The following TRPC7 variants were observed in gnomAD, a reference collection of about 807,000 sequenced individuals.
TRPC7 encodes the protein transient receptor potential cation channel subfamily C member 7, also known as short transient receptor potential channel 7.
Under a neutral mutation model 90.1 loss-of-function variants are expected in TRPC7, and 42 were observed. The ratio of observed to expected loss-of-function variants is 0.47; its 90% CI spans 0.36 to 0.60. The LOEUF (loss-of-function observed/expected upper bound fraction) is 0.60. TRPC7 is among the 20% of genes least tolerant of loss of function. TRPC7 has a pLI of 0.00. For missense variants in TRPC7, 955 were observed against 1,112.3 expected (o/e 0.86, Z 2.01); for synonymous variants, 451 against 436.3 (o/e 1.03, Z -0.42).
rs1051230966 is a variant in TRPC7, at chr5:136,346,489, G to GCA, written c.780+10117_780+10118dup. On this transcript the variant is annotated intron_variant, in intron 2 of 11. Transcript: ENST00000513104. Reference sequence around the variant, plus strand: ...CTGCTTTTCCCAACACCATGAGTGCGCACACACACATATGTACACATACGT... The same window carrying GCA: ...CTGCTTTTCCCAACACCATGAGTGCGCACACACACACATATGTACACATACGT... Among the ~76,000 whole-genome samples, 57 of 151,872 alleles carry GCA rather than the reference G, an allele frequency of 3.8e-4. 1 individual carries two copies. In the East Asian group the frequency reaches 3.9e-3, roughly 10 times the overall value.
chr5:136,238,752 G>T (rs1186549010), intron 7 of TRPC7, among the ~76,000 whole-genome samples: 1 of 152,136 alleles, frequency 6.6e-6, no homozygotes, highest in Non-Finnish European at 1.5e-5. Flanking sequence ...TCAAAACTTG[G>T]TGGTTCTCAG....
chr5:136,293,150 C>A (rs950108055), intron 3 of TRPC7, among the ~76,000 whole-genome samples: 3 of 151,770 alleles, frequency 2.0e-5, no homozygotes, highest in South Asian at 2.1e-4. Context: ...ATCTCAAAAT[C>A]ATAAGAGCTA....
chr5:136,305,369 C>T (rs1387823609), intron 3 of TRPC7, among the ~76,000 whole-genome samples: 1 of 152,204 alleles, frequency 6.6e-6, no homozygotes, highest in Non-Finnish European at 1.5e-5. Flanking sequence ...ACTAGCCCAC[C>T]TCTCAGAACC....
intron 2 of TRPC7, among the ~76,000 whole-genome samples, chr5:136,319,694 G>T (rs999433165): frequency 1.0e-4 from 15 of 150,278 alleles, no homozygotes; most frequent in Admixed American, 2.7e-4. Context: ...TTCAATAGTT[G>T]GTTCCCAGTC....
At position 136,217,018 on chromosome 5, in the gene TRPC7, T is replaced by C. The variant is rs150970152; in HGVS notation, c.2344-743A>G. On this transcript the variant is annotated intron_variant, in intron 10 of 11. Transcript: ENST00000513104. The stretch of plus-strand genomic sequence containing the variant: ...GAGACACCAAGAATAGAGCCAAGTG[T>C]AGGAAAGACTGCAGGAGGTGAACTT... Among the ~76,000 whole-genome samples, 96 of 152,312 alleles carry C rather than the reference T, an allele frequency of 6.3e-4. 1 individual carries two copies. The East Asian group carries it at 0.017, about 27-fold the overall frequency.
At chr5:136,242,590 C>T (rs1001162845) in intron 7 of TRPC7, among the ~76,000 whole-genome samples, 1 of 152,190 alleles carries the variant, frequency 6.6e-6, no homozygotes, top group Non-Finnish European at 1.5e-5. Flanking sequence ...TGAAATCCTA[C>T]TAATAAGATA....
At chr5:136,353,376 G>A (rs1208317037) in intron 2 of TRPC7, among the ~76,000 whole-genome samples, 3 of 152,152 alleles carry the variant, frequency 2.0e-5, no homozygotes, top group African/African-American at 7.2e-5. Flanking sequence ...TATTTTAGGG[G>A]ATGTGGAGGA....
intron 3 of TRPC7, among the ~76,000 whole-genome samples, chr5:136,293,719 G>A (rs1277825290): frequency 6.6e-6 from 1 of 152,106 alleles, no homozygotes; most frequent in African/African-American, 2.4e-5. Context: ...TACTGCCCAA[G>A]GTAATTTATA....
intron 3 of TRPC7, among the ~76,000 whole-genome samples, chr5:136,310,882 G>A (rs918985062): frequency 4.6e-5 from 7 of 152,060 alleles, no homozygotes; most frequent in Admixed American, 4.6e-4. Flanking sequence ...AGTGTCTCTA[G>A]ACCTCATAGG....
chr5:136,305,905 T>A (rs1410511124), intron 3 of TRPC7, among the ~76,000 whole-genome samples: 1 of 152,210 alleles, frequency 6.6e-6, no homozygotes, highest in African/African-American at 2.4e-5. Flanking sequence ...CCACTTTCCC[T>A]TCTCAGAAGT....
At chr5:136,331,659 C>A (rs1455060405) in intron 2 of TRPC7, among the ~76,000 whole-genome samples, 1 of 152,190 alleles carries the variant, frequency 6.6e-6, no homozygotes, top group Non-Finnish European at 1.5e-5. Context: ...TCCACTTTTA[C>A]AAAGTTGTTC....
At chr5:136,331,042 A>G (rs912545120) in intron 2 of TRPC7, among the ~76,000 whole-genome samples, 1 of 152,154 alleles carries the variant, frequency 6.6e-6, no homozygotes, top group Non-Finnish European at 1.5e-5. Flanking sequence ...TTCCTCAGGT[A>G]TAGAGAGAAG....
intron 2 of TRPC7, among the ~76,000 whole-genome samples, chr5:136,329,074 T>C (rs11744181): frequency 6.6e-6 from 1 of 152,050 alleles, no homozygotes; most frequent in Non-Finnish European, 1.5e-5. Context: ...TCTTGTTTTT[T>C]GTTTACTTAA....
At chr5:136,279,832 T>G (rs1440028970) in intron 3 of TRPC7, among the ~76,000 whole-genome samples, 13 of 152,182 alleles carry the variant, frequency 8.5e-5, no homozygotes. Context: ...AGCCACCCCC[T>G]GTCTATGTTC....
At chr5:136,231,640 T>A in intron 7 of TRPC7, 91 bp from the exon 8 acceptor site, 1 of 1,268,820 alleles carries the variant, frequency 7.9e-7, no homozygotes, top group Non-Finnish European at 1.1e-6. Context: ...GGTCTCACTC[T>A]GTTGCCTAGG....
chr5:136,266,552 ACTG>A, intron 4 of TRPC7, 116 bp from the exon 5 acceptor site: 1 of 895,486 alleles, frequency 1.1e-6, no homozygotes, highest in Non-Finnish European at 1.7e-6. Flanking sequence ...TTGGACAGAA[ACTG>A]CTAACTGAAC....
chr5:136,274,526 G>T, intron 4 of TRPC7, 147 bp downstream of exon 4: 1 of 863,154 alleles, frequency 1.2e-6, no homozygotes, highest in Non-Finnish European at 1.6e-6. Context: ...CTTTTATGTG[G>T]TTTCCTACTT....
In TRPC7 at chr5:136,357,058, C is replaced by T. The variant is rs760636155; in HGVS notation, c.330G>A (p.Leu110=). The part of the protein sequence containing the change: ...KENLARVGDA[L]LLAISKGYVR... Reference sequence around the variant, plus strand: ...CATAGCCCTTGCTGATGGCCAGCAGCAGCGCGTCCCCCACCCGTGCCAGGT... The same window carrying T: ...CATAGCCCTTGCTGATGGCCAGCAGTAGCGCGTCCCCCACCCGTGCCAGGT... Residue 110 remains leucine, a synonymous_variant, in exon 2 of 12, where the codon CTG becomes CTA. Transcript: ENST00000513104. The T allele has an allele frequency of 3.7e-6, 6 of 1,613,614 alleles. No homozygotes were observed. In the African/African-American group the frequency reaches 5.3e-5, roughly 14 times the overall value.
intron 3 of TRPC7, among the ~76,000 whole-genome samples, chr5:136,275,151 C>T (rs1757324130): frequency 6.6e-6 from 1 of 152,132 alleles, no homozygotes; most frequent in Non-Finnish European, 1.5e-5. Context: ...TCAATTCAGG[C>T]TGTTCAGCTG....
Sources: gnomAD v4.1 joint callset for allele counts (sites outside exome capture counted in the v4.1 genomes callset) on GRCh38, gnomAD v4.1.1 for gene constraint, MANE v1.5 for transcripts, NCBI Gene and HGNC (gene_info 2026-07-23, HGNC 2026-07-21) for gene names.